The following CNTNAP2 variants were observed in gnomAD, a reference collection of about 807,000 sequenced individuals.
The protein encoded by CNTNAP2 is contactin associated protein 2.
CNTNAP2 carries 98 observed loss-of-function variants against 155.2 expected under a neutral mutation model. That is an observed-to-expected ratio of 0.63 (90% CI 0.54 to 0.75). The LOEUF is 0.75. Among genes scored for constraint, CNTNAP2 ranks in the 30% least tolerant of loss-of-function variants. The pLI is 0.00. For missense variants in CNTNAP2, 1,727 were observed against 1,688.1 expected, an observed-to-expected ratio of 1.02 and a Z score of -0.40; for synonymous variants, 651 against 631.2, an observed-to-expected ratio of 1.03 and a Z score of -0.47.
chr7:147,488,075 A>G (rs1022108249), intron 11 of CNTNAP2, among the ~76,000 whole-genome samples: 2 of 152,188 alleles, frequency 1.3e-5, no homozygotes, highest in Non-Finnish European at 2.9e-5. Flanking sequence ...AAAAATATAC[A>G]TTGTAGCTTA....
chr7:147,638,866 T>C, intron 12 of CNTNAP2: 1 of 639,826 alleles, frequency 1.6e-6, no homozygotes, highest in Admixed American at 2.6e-5. Flanking sequence ...TTTTTTTGCC[T>C]TGCTTTCAGG....
intron 8 of CNTNAP2, among the ~76,000 whole-genome samples, chr7:147,237,083 T>C (rs1803825556): frequency 1.0e-5 from 1 of 96,842 alleles, no homozygotes; most frequent in African/African-American, 4.3e-5. Flanking sequence ...TTTTTTTTTT[T>C]TTGACAGTGT....
chr7:147,052,005 A>G (rs1042306456), intron 4 of CNTNAP2, among the ~76,000 whole-genome samples: 1 of 152,092 alleles, frequency 6.6e-6, no homozygotes, highest in Non-Finnish European at 1.5e-5. Flanking sequence ...ATATTTCCTA[A>G]TACATGAGTG....
chr7:146,802,623 T>G (rs191081328), intron 2 of CNTNAP2, among the ~76,000 whole-genome samples: 3 of 152,092 alleles, frequency 2.0e-5, no homozygotes, highest in Admixed American at 6.6e-5. Context: ...TGCTCCACCA[T>G]GGTAAAACAC....
At chr7:148,022,839 C>T (rs1802308960) in intron 15 of CNTNAP2, among the ~76,000 whole-genome samples, 1 of 152,034 alleles carries the variant, frequency 6.6e-6, no homozygotes, top group African/African-American at 2.4e-5. Context: ...AGGAAAATAA[C>T]GATGAGAACA....
intron 1 of CNTNAP2, among the ~76,000 whole-genome samples, chr7:146,345,805 A>G (rs1225665539): frequency 6.6e-6 from 1 of 152,186 alleles, no homozygotes. Flanking sequence ...GGGTAAATGA[A>G]GCTATGTCTT....
At chr7:148,218,021 A>C (rs934206759) in intron 19 of CNTNAP2, among the ~76,000 whole-genome samples, 5 of 152,254 alleles carry the variant, frequency 3.3e-5, no homozygotes, top group African/African-American at 1.2e-4. Flanking sequence ...GCTACTCAGG[A>C]GGCCAAGATG....
At chr7:146,236,941 G>A (rs1288440088) in intron 1 of CNTNAP2, among the ~76,000 whole-genome samples, 1 of 152,166 alleles carries the variant, frequency 6.6e-6, no homozygotes, top group South Asian at 2.1e-4. Flanking sequence ...GAACAATGAG[G>A]TGTAGGCAAG....
chr7:147,272,983 G>A (rs879945498), intron 8 of CNTNAP2, among the ~76,000 whole-genome samples: 2 of 151,978 alleles, frequency 1.3e-5, no homozygotes, highest in Admixed American at 1.3e-4. Context: ...AAGTCTTAAG[G>A]ACACTCCTGT....
intron 21 of CNTNAP2, among the ~76,000 whole-genome samples, chr7:148,326,637 C>T (rs1331873093): frequency 1.6e-4 from 24 of 152,168 alleles, no homozygotes; most frequent in South Asian, 2.1e-4. Context: ...GAGGCCAAGG[C>T]GGGCGGATCA....
At chr7:147,739,107 A>AT (rs1299167424) in intron 13 of CNTNAP2, among the ~76,000 whole-genome samples, 1 of 20,066 alleles carries the variant, frequency 5.0e-5, no homozygotes, top group Non-Finnish European at 2.2e-4. Flanking sequence ...AATTACAGCT[A>AT]TTAATCTCCT....
At chr7:146,464,569 T>C (rs1796688888) in intron 1 of CNTNAP2, among the ~76,000 whole-genome samples, 1 of 152,132 alleles carries the variant, frequency 6.6e-6, no homozygotes, top group African/African-American at 2.4e-5. Flanking sequence ...AATACATAGT[T>C]GCACCTTCTT....
chr7:148,355,727 C>A (rs1303507785), intron 21 of CNTNAP2, among the ~76,000 whole-genome samples: 1 of 152,210 alleles, frequency 6.6e-6, no homozygotes, highest in African/African-American at 2.4e-5. Context: ...ATAGTCATAT[C>A]TATCACCTTT....
intron 4 of CNTNAP2, among the ~76,000 whole-genome samples, chr7:147,061,778 C>CA (rs1024361415): frequency 5.3e-5 from 8 of 151,738 alleles, no homozygotes; most frequent in African/African-American, 1.7e-4. Flanking sequence ...CAAAACAAAA[C>CA]AAAAAAACAC....
intron 3 of CNTNAP2, among the ~76,000 whole-genome samples, chr7:146,912,357 T>C (rs1428335535): frequency 4.0e-5 from 6 of 151,708 alleles, no homozygotes; most frequent in Non-Finnish European, 8.8e-5. Context: ...CAAACATGCA[T>C]ACTAATAAAG....
rs111317397 is a variant in CNTNAP2, at chr7:147,091,618, ATT to A, written c.551-16515_551-16514del. ...AGGTGCGCACCACCACACCCAGCTA[ATT>A]TTTTTTTTTTTTTCTTGCTCTGTTG... On this transcript the variant is annotated intron_variant, in intron 4 of 23. Coordinates refer to ENST00000361727, the MANE Select transcript of CNTNAP2 (RefSeq NM_014141.6). Among the ~76,000 whole-genome samples the A allele has an allele frequency of 1.7e-3, 241 of 137,854 alleles. 4 individuals carry two copies. The highest frequency in any genetic ancestry group is 5.8e-3 in the African/African-American group (213 of 36,846). The allele number at this position is 137,854 out of a possible 152,430, so 90.4% of individuals were successfully genotyped here.
At chr7:147,448,632 G>A (rs1354126746) in intron 10 of CNTNAP2, among the ~76,000 whole-genome samples, 1 of 151,670 alleles carries the variant, frequency 6.6e-6, no homozygotes, top group Admixed American at 6.6e-5. Flanking sequence ...AATAAAAAGT[G>A]TTCTAATAAT....
chr7:146,397,619 C>T (rs1048013690), intron 1 of CNTNAP2, among the ~76,000 whole-genome samples: 1 of 152,094 alleles, frequency 6.6e-6, no homozygotes, highest in African/African-American at 2.4e-5. Flanking sequence ...ATGATCTCTA[C>T]TCCTTATGTT....
At chr7:147,618,270 T>A (rs1483111865) in intron 12 of CNTNAP2, among the ~76,000 whole-genome samples, 1 of 152,180 alleles carries the variant, frequency 6.6e-6, no homozygotes, top group African/African-American at 2.4e-5. Context: ...GTAACTATAG[T>A]AGACCATAAG....
Sources: allele counts gnomAD v4.1 joint callset (sites outside exome capture counted in the v4.1 genomes callset), GRCh38; gene constraint gnomAD v4.1.1; transcripts MANE v1.5; gene names NCBI Gene and HGNC (gene_info 2026-07-23, HGNC 2026-07-21).